Variants in MGAT4C observed in about 807,000 individuals in gnomAD.
MGAT4C encodes MGAT4 family member C.
MGAT4C carries 19 observed loss-of-function variants against 40.1 expected under a neutral mutation model. The ratio of observed to expected loss-of-function variants is 0.47; its 90% CI spans 0.33 to 0.70. MGAT4C has a LOEUF of 0.70. Among genes scored for constraint, MGAT4C ranks in the 30% least tolerant of loss-of-function variants. MGAT4C has a pLI of 0.02. For synonymous variants in MGAT4C, 181 were observed against 187.1 expected, an observed-to-expected ratio of 0.97 and a Z score of 0.27; for missense variants, 491 against 563.2, an observed-to-expected ratio of 0.87 and a Z score of 1.30.
At chr12:86,010,484 C>A (rs1053236207) in intron 2 of MGAT4C, among the ~76,000 whole-genome samples, 2 of 152,082 alleles carry the variant, frequency 1.3e-5, no homozygotes, top group African/African-American at 4.8e-5. Context: ...TTGAGACCAA[C>A]CTGGACAACA....
intron 4 of MGAT4C, among the ~76,000 whole-genome samples, chr12:85,982,537 C>A: frequency 6.6e-6 from 1 of 152,160 alleles, no homozygotes; most frequent in East Asian, 1.9e-4. Context: ...AGGCTGCATA[C>A]TAAAATCAAC....
chr12:86,781,467 A>G (rs561815470), intron 1 of MGAT4C, among the ~76,000 whole-genome samples: 1 of 151,852 alleles, frequency 6.6e-6, no homozygotes, highest in South Asian at 2.1e-4. Context: ...TTAAAACCAC[A>G]TCTCTTTTTA....
chr12:86,284,080 A>C (rs1953286427), intron 4 of MGAT4C, among the ~76,000 whole-genome samples: 1 of 152,106 alleles, frequency 6.6e-6, no homozygotes, highest in Non-Finnish European at 1.5e-5. Flanking sequence ...AGCTAAATGC[A>C]CTGGCTAAAA....
At chr12:86,292,657 T>C (rs928466897) in intron 4 of MGAT4C, among the ~76,000 whole-genome samples, 6 of 152,178 alleles carry the variant, frequency 3.9e-5, no homozygotes, top group African/African-American at 1.4e-4. Flanking sequence ...ATCACCCATA[T>C]TGCGTTCCAC....
At chr12:86,713,508 T>C (rs1427337640) in intron 2 of MGAT4C, among the ~76,000 whole-genome samples, 1 of 152,106 alleles carries the variant, frequency 6.6e-6, no homozygotes, top group Non-Finnish European at 1.5e-5. Context: ...TATAAGGGCT[T>C]CTACCTCTAT....
intron 2 of MGAT4C, among the ~76,000 whole-genome samples, chr12:86,489,429 C>T (rs577311870): frequency 1.3e-5 from 2 of 152,124 alleles, no homozygotes; most frequent in African/African-American, 2.4e-5. Context: ...GTGTGGGTAC[C>T]CTAAAAGGCT....
intron 3 of MGAT4C, among the ~76,000 whole-genome samples, chr12:86,347,448 A>T (rs1328558741): frequency 6.6e-6 from 1 of 152,206 alleles, no homozygotes; most frequent in South Asian, 2.1e-4. Flanking sequence ...GTATAAAAAA[A>T]TACTGATTCC....
chr12:86,143,957 T>C (rs1308080334), intron 1 of MGAT4C, among the ~76,000 whole-genome samples: 1 of 152,148 alleles, frequency 6.6e-6, no homozygotes, highest in Non-Finnish European at 1.5e-5. Flanking sequence ...ATGGGAATAA[T>C]GTTGATTTAT....
intron 2 of MGAT4C, among the ~76,000 whole-genome samples, chr12:86,649,294 GTTC>G (rs1486756178): frequency 6.6e-6 from 1 of 151,646 alleles, no homozygotes; most frequent in Admixed American, 6.6e-5. Flanking sequence ...CTATATACAG[GTTC>G]TTTTCATTCA....
intron 1 of MGAT4C, among the ~76,000 whole-genome samples, chr12:86,823,149 G>C (rs907583378): frequency 4.0e-5 from 6 of 150,300 alleles, no homozygotes; most frequent in African/African-American, 1.2e-4. Context: ...AGTTTATTGA[G>C]ATAAATACCT....
intron 2 of MGAT4C, among the ~76,000 whole-genome samples, chr12:86,547,510 G>T (rs936316359): frequency 2.0e-5 from 3 of 152,094 alleles, no homozygotes; most frequent in Admixed American, 2.0e-4. Flanking sequence ...AAAAATGCCT[G>T]GTTCATAGCA....
At chr12:86,431,184 T>C (rs1957031237) in intron 3 of MGAT4C, among the ~76,000 whole-genome samples, 1 of 152,162 alleles carries the variant, frequency 6.6e-6, no homozygotes. Flanking sequence ...GTACTGCAGG[T>C]TGGCAATGAG....
intron 1 of MGAT4C, among the ~76,000 whole-genome samples, chr12:86,797,075 CAAT>C (rs1232112615): frequency 6.6e-6 from 1 of 151,780 alleles, no homozygotes; most frequent in Non-Finnish European, 1.5e-5. Context: ...TCCATCTTCC[CAAT>C]ACAAGGAGAA....
intron 2 of MGAT4C, chr12:86,013,608 T>C (rs1474740554): frequency 2.9e-6 from 1 of 348,108 alleles, no homozygotes; most frequent in Non-Finnish European, 4.0e-6. Flanking sequence ...TATACATATA[T>C]AAATAGAGCT....
intron 1 of MGAT4C, among the ~76,000 whole-genome samples, chr12:86,162,247 G>A (rs1885672799): frequency 6.6e-6 from 1 of 152,034 alleles, no homozygotes; most frequent in Non-Finnish European, 1.5e-5. Context: ...ATCAACCCAG[G>A]TACCCATCAA....
chr12:86,234,167 A>G (rs540725032), intron 1 of MGAT4C, among the ~76,000 whole-genome samples: 33 of 152,282 alleles, frequency 2.2e-4, no homozygotes, highest in African/African-American at 7.2e-4. Context: ...TTTTGTAAAA[A>G]ACATGTATGT....
At chr12:86,566,531 CATATATATATATATATAT>C (rs71078910) in intron 2 of MGAT4C, among the ~76,000 whole-genome samples, 492 of 39,874 alleles carry the variant, frequency 0.012, 10 homozygotes, top group African/African-American at 0.03. Context: ...AACTCATATA[CATATATATATATATATAT>C]ATATATATAT....
intron 2 of MGAT4C, among the ~76,000 whole-genome samples, chr12:86,506,176 G>T (rs76005596): frequency 6.6e-6 from 1 of 152,228 alleles, no homozygotes; most frequent in Admixed American, 6.6e-5. Context: ...CAGTTGCTAC[G>T]ATGTGATTAA....
chr12:86,086,870 C>T (rs1871945780), intron 1 of MGAT4C, among the ~76,000 whole-genome samples: 1 of 151,958 alleles, frequency 6.6e-6, no homozygotes, highest in Non-Finnish European at 1.5e-5. Flanking sequence ...CTCTATATTT[C>T]CCTGAGTTCA....
Sources: gnomAD v4.1 joint callset for allele counts (sites outside exome capture counted in the v4.1 genomes callset) on GRCh38, gnomAD v4.1.1 for gene constraint, MANE v1.5 for transcripts, NCBI Gene and HGNC (gene_info 2026-07-23, HGNC 2026-07-21) for gene names.